The following SLC28A1 variants were observed in gnomAD, a reference collection of about 807,000 sequenced individuals.
SLC28A1 encodes solute carrier family 28 member 1, also known as sodium/nucleoside cotransporter 1.
In SLC28A1, 64 loss-of-function variants were observed where a neutral mutation model predicts 74.8. The observed-to-expected ratio is 0.86, with a 90% CI of 0.70 to 1.05. The LOEUF (loss-of-function observed/expected upper bound fraction) is 1.05. Ranked by LOEUF, SLC28A1 falls within the 50% of genes least tolerant of loss-of-function variation. The pLI is 0.00. For missense variants in SLC28A1, 828 were observed against 822.8 expected, an observed-to-expected ratio of 1.01 and a Z score of -0.08; for synonymous variants, 359 against 335.0, an observed-to-expected ratio of 1.07 and a Z score of -0.78.
the SLC28A1 span, among the ~76,000 whole-genome samples, chr15:84,963,383 C>T: frequency 1.3e-5 from 2 of 152,128 alleles, no homozygotes; most frequent in Non-Finnish European, 2.9e-5. Flanking sequence ...TCCAATCTTC[C>T]ATCCTGAGGT....
At chr15:84,967,006 G>A in the SLC28A1 span, among the ~76,000 whole-genome samples, 2 of 151,988 alleles carry the variant, frequency 1.3e-5, no homozygotes, top group African/African-American at 4.8e-5. Flanking sequence ...GTCTTGAACT[G>A]CTAGTTTCAA....
Position 84,945,601 on chromosome 15 carries a change from T to G in SLC28A1, c.*401T>G. On this transcript the variant is annotated 3_prime_UTR_variant, in exon 19 of 19. Coordinates refer to ENST00000394573, the MANE Select transcript of SLC28A1 (RefSeq NM_004213.5). ...CCTCCCCTCCCCACTTCCTAGGCAC[T>G]AGGATCTCTCTGTGGCTTCCCCTGC... 3.3e-6 allele frequency: 1 copy of G among 302,668 alleles called. No homozygotes were observed. The highest frequency in any genetic ancestry group is 6.5e-6 in the Non-Finnish European group (1 of 154,964). 18.7% of individuals were successfully genotyped at this position (302,668 alleles called of 1,614,324 possible).
Position 84,921,228 on chromosome 15 carries a change from G to T in SLC28A1, c.957+159G>T, listed in dbSNP as rs546623765. Among the ~76,000 whole-genome samples the T allele has an allele frequency of 1.4e-3, 217 of 152,246 alleles. 1 individual carries two copies. The highest frequency in any genetic ancestry group is 4.9e-3 in the African/African-American group (204 of 41,544). The stretch of plus-strand genomic sequence containing the variant: ...GCTGCTCCAGGGATACTCTGTTTGG[G>T]GGATGCCTGGGTCATGCCAGGGAGG... On this transcript the variant is annotated intron_variant, in intron 11 of 18. Coordinates refer to ENST00000394573, the MANE Select transcript of SLC28A1 (RefSeq NM_004213.5).
At chr15:84,921,676 A>T (rs1969846572) in intron 11 of SLC28A1, among the ~76,000 whole-genome samples, 1 of 152,150 alleles carries the variant, frequency 6.6e-6, no homozygotes, top group Admixed American at 6.6e-5. Context: ...GCCATATTTC[A>T]CTGGACAGTT....
chr15:84,892,928 C>G (rs1330628279), intron 5 of SLC28A1, among the ~76,000 whole-genome samples: 1 of 152,172 alleles, frequency 6.6e-6, no homozygotes, highest in Non-Finnish European at 1.5e-5. Flanking sequence ...TAGCTCAGGT[C>G]CTGCCCGTCC....
intron 9 of SLC28A1, among the ~76,000 whole-genome samples, chr15:84,917,633 TTC>T (rs1969305885): frequency 1.3e-5 from 2 of 152,140 alleles, no homozygotes. Context: ...GTGGTACACC[TTC>T]TCTTTTTTCA....
At chr15:84,941,200 A>G (rs1282435978) in intron 15 of SLC28A1, 3 of 149,460 alleles carry the variant, frequency 2.0e-5, no homozygotes, top group African/African-American at 7.4e-5. Flanking sequence ...TTGACCCAGC[A>G]TTTGGGATTT....
chr15:84,946,112 A>ATATATATATATATATATTTT (rs57190791), downstream of SLC28A1, among the ~76,000 whole-genome samples: 1 of 13,482 alleles, frequency 7.4e-5, no homozygotes, highest in Non-Finnish European at 1.2e-4. Context: ...ATATATATAT[A>ATATATATATATATATATTTT]TTTTTTTTTT....
chr15:84,922,828 G>A (rs752924533), intron 11 of SLC28A1, among the ~76,000 whole-genome samples: 9 of 152,172 alleles, frequency 5.9e-5, no homozygotes, highest in African/African-American at 1.2e-4. Flanking sequence ...TCTGCTATTC[G>A]CTTGCCTGGA....
At chr15:84,928,576 T>TGAGACAGAG (rs1970825136) in intron 12 of SLC28A1, among the ~76,000 whole-genome samples, 1 of 17,976 alleles carries the variant, frequency 5.6e-5, no homozygotes, top group African/African-American at 4.1e-4. Flanking sequence ...CTTTCTTTCT[T>TGAGACAGAG]TCTTTCTTTC....
At chr15:84,919,606 GC>G (rs1969557227) in intron 10 of SLC28A1, among the ~76,000 whole-genome samples, 2 of 152,094 alleles carry the variant, frequency 1.3e-5, no homozygotes, top group Admixed American at 1.3e-4. Context: ...GCAGAAGTGA[GC>G]ACACAAGACA....
At chr15:84,966,016 G>A in the SLC28A1 span, among the ~76,000 whole-genome samples, 3 of 152,016 alleles carry the variant, frequency 2.0e-5, no homozygotes, top group Non-Finnish European at 4.4e-5. Flanking sequence ...ATCCCTTTAG[G>A]TGTCAGTGAT....
At chr15:84,952,873 A>T in the SLC28A1 span, among the ~76,000 whole-genome samples, 2 of 152,196 alleles carry the variant, frequency 1.3e-5, no homozygotes, top group African/African-American at 2.4e-5. Flanking sequence ...AATAAAAAAA[A>T]TTTTTAATAA....
At chr15:84,886,384 A>C in intron 1 of SLC28A1, 2 of 901,686 alleles carry the variant, frequency 2.2e-6, no homozygotes, top group East Asian at 1.2e-4. Flanking sequence ...GGAAGGAAGG[A>C]GGGGGAGGGA....
At chr15:84,892,592 G>C (rs1228442264) in intron 5 of SLC28A1, among the ~76,000 whole-genome samples, 3 of 152,180 alleles carry the variant, frequency 2.0e-5, no homozygotes, top group Non-Finnish European at 4.4e-5. Flanking sequence ...CCCTTGCAAT[G>C]GTCAGCAGTG....
intron 4 of SLC28A1, among the ~76,000 whole-genome samples, chr15:84,890,144 A>G (rs1965202059): frequency 6.6e-6 from 1 of 151,978 alleles, no homozygotes; most frequent in Non-Finnish European, 1.5e-5. Flanking sequence ...CACCGGCCAC[A>G]TTTCTGTATG....
intron 7 of SLC28A1, among the ~76,000 whole-genome samples, chr15:84,905,154 AG>A (rs1966901421): frequency 6.6e-6 from 1 of 152,208 alleles, no homozygotes; most frequent in African/African-American, 2.4e-5. Context: ...GGAGACGGTC[AG>A]GCAGACAGGG....
chr15:84,951,837 C>G, the SLC28A1 span, among the ~76,000 whole-genome samples: 1 of 152,082 alleles, frequency 6.6e-6, no homozygotes, highest in African/African-American at 2.4e-5. Context: ...AAGAGAGACT[C>G]CTGATACATA....
intron 12 of SLC28A1, among the ~76,000 whole-genome samples, chr15:84,928,194 G>T (rs1219286654): frequency 6.6e-6 from 1 of 152,210 alleles, no homozygotes; most frequent in African/African-American, 2.4e-5. Flanking sequence ...AGAATGGGCA[G>T]AGGCAGCCAG....
Sources: gnomAD v4.1 joint callset for allele counts (sites outside exome capture counted in the v4.1 genomes callset) on GRCh38, gnomAD v4.1.1 for gene constraint, MANE v1.5 for transcripts, NCBI Gene and HGNC (gene_info 2026-07-23, HGNC 2026-07-21) for gene names.